ZNF653: variants seen among roughly 807,000 people sequenced by gnomAD.
The protein encoded by ZNF653 is 67 kDa zinc finger protein.
In ZNF653, 37 loss-of-function variants were observed where a neutral mutation model predicts 59.9. That is an observed-to-expected ratio of 0.62 (90% CI 0.48 to 0.81). The LOEUF (loss-of-function observed/expected upper bound fraction) is 0.81, where lower values mean the gene tolerates loss of function less well. ZNF653 is among the 40% of genes least tolerant of loss of function. The pLI is 0.00. For synonymous variants in ZNF653, 435 were observed against 371.8 expected (o/e 1.17, Z -1.96); for missense variants, 808 against 881.1 (o/e 0.92, Z 1.05).
rs377464310 is a variant in ZNF653 at position 11,486,793 on chromosome 19, G to C, written c.1431C>G (p.Val477=). The part of the protein sequence containing the change: ...FHCPYEGCSQ[V]YVALSSFQNH... ...CCTGGAAGCTGCTGAGGGCCACGTA[G>C]ACTTGGCTGCAGCCCTCGTATGGGC... Residue 477 remains valine (V), a synonymous_variant, in exon 6 of 9, where the codon GTC becomes GTG. Coordinates refer to ENST00000293771, the MANE Select transcript of ZNF653 (RefSeq NM_138783.4). The C allele has an allele frequency of 6.8e-6, 11 of 1,610,110 alleles. No homozygotes were observed. In the African/African-American group the frequency reaches 1.5e-4, roughly 22 times the overall value.
At position 11,495,856 on chromosome 19, in the gene ZNF653, G is replaced by T; in HGVS notation, c.559+94C>A. 1 of 1,306,972 alleles carries T rather than the reference G, an allele frequency of 7.7e-7. No homozygotes were observed. Among genetic ancestry groups the T allele is most frequent in the Non-Finnish European group, 1.1e-6 (1 of 947,660 alleles). 81.0% of individuals were successfully genotyped at this position (1,306,972 alleles called of 1,614,324 possible). On this transcript the variant is annotated intron_variant, in intron 3 of 8. Transcript: ENST00000293771. This position sits in a 1 kb window ranked among gnomAD's most constrained non-coding sequence, Gnocchi z 4.9. ...TGCCAGAGCCAGAGCCAGAGCCACT[G>T]TGGCTGCTATTCTGTTTGTGATGCT...
chr19:11,487,505 T>A lies in ZNF653; in HGVS notation c.958A>T (p.Ile320Phe). The A allele has an allele frequency of 6.2e-7, 1 of 1,613,778 alleles. No homozygotes were observed. Among genetic ancestry groups the A allele is most frequent in the Non-Finnish European group, 8.5e-7 (1 of 1,179,952 alleles). ...MPGMVPGSQV[I>F]IIAGPGYDAL... ...TCGTAACCAGGGCCCGCAATGATGATCACCTGTGAGCCGGGCACCATGCCT... is the reference window on the plus strand; with the variant it reads ...TCGTAACCAGGGCCCGCAATGATGAACACCTGTGAGCCGGGCACCATGCCT... The change falls in exon 4 of 9, where the codon ATC (isoleucine) becomes TTC (phenylalanine). Residue 320 changes from isoleucine to phenylalanine, a missense_variant. Coordinates refer to ENST00000293771, the MANE Select transcript of ZNF653 (RefSeq NM_138783.4). The surrounding 1 kb of genome is among the most constrained non-coding windows in gnomAD (Gnocchi z 5.1).
intron 1 of ZNF653, 146 bp downstream of exon 1, chr19:11,505,339 GGCA>G: frequency 1.3e-6 from 1 of 779,686 alleles, no homozygotes; most frequent in Non-Finnish European, 1.8e-6. Flanking sequence ...GTCCCGGCCA[GGCA>G]GTACGAGACC....
At chr19:11,490,270 C>T (rs137900631) in intron 3 of ZNF653, among the ~76,000 whole-genome samples, 210 of 152,316 alleles carry the variant, frequency 1.4e-3, no homozygotes, top group Middle Eastern at 6.8e-3. Context: ...GGGCAAGATA[C>T]GGGGGTATGG....
In ZNF653 at chr19:11,487,536, G is replaced by A; in HGVS notation, c.927C>T (p.Pro309=). The A allele has an allele frequency of 6.2e-7, 1 of 1,613,934 alleles. No homozygotes were observed. ...EALGEVVASC[P]MPGMVPGSQV... is the part of the protein sequence containing the mutation. ...GTGAGCCGGGCACCATGCCTGGCAT[G>A]GGGCAGCTGGCCACCACCTCACCCA... Residue 309 remains proline, a synonymous_variant, in exon 4 of 9, where the codon CCC becomes CCT. Coordinates refer to ENST00000293771, the MANE Select transcript of ZNF653 (RefSeq NM_138783.4). The surrounding 1 kb of genome is among the most constrained non-coding windows in gnomAD (Gnocchi z 5.1).
chr19:11,486,964 C>G (rs1212587927), intron 5 of ZNF653, 23 bp downstream of exon 5: 1 of 1,612,380 alleles, frequency 6.2e-7, no homozygotes, highest in African/African-American at 1.3e-5. Flanking sequence ...CTCGCCCTCA[C>G]CCTTGCCCGC....
In ZNF653 at chr19:11,485,722, G is replaced by T. The variant is rs1971458711; in HGVS notation, c.1504C>A (p.His502Asn). 6.2e-7 allele frequency: 1 copy of T among 1,613,956 alleles called. No homozygotes were observed. The highest frequency in any genetic ancestry group is 8.5e-7 in the Non-Finnish European group (1 of 1,179,996). Residue 502 changes from histidine to asparagine, a missense_variant, in exon 7 of 9, where the codon CAT (histidine) becomes AAT (asparagine). By Grantham distance (68) the His-to-Asn change is moderately conservative. Transcript: ENST00000293771. ...TAGAACTTCTTGCCACAGCCAGGAT[G>T]AGGGCACACTTTGGTCTTTCCTTTC... ...HRKGKTKVCP[H>N]PGCGKKFYLS...
At chr19:11,504,636 G>A (rs908564102) in intron 1 of ZNF653, 25 of 897,448 alleles carry the variant, frequency 2.8e-5, no homozygotes, top group Non-Finnish European at 3.3e-5. Context: ...AGAGAAACAT[G>A]AGAACATGTG....
rs930650093 is a variant in ZNF653 at position 11,505,503 on chromosome 19, C to T, written c.284G>A (p.Arg95Gln). The T allele has an allele frequency of 6.7e-6, 10 of 1,491,256 alleles. No individual in the cohort carries two copies. The highest frequency in any genetic ancestry group is 2.9e-5 in the East Asian group (1 of 34,200). 92.4% of individuals were successfully genotyped at this position (1,491,256 alleles called of 1,614,324 possible). The change falls in exon 1 of 9, where the codon CGG (arginine) becomes CAG (glutamine). Residue 95 changes from arginine to glutamine, a missense_variant. Transcript: ENST00000293771. The stretch of plus-strand genomic sequence containing the variant: ...GCCCCCTCACCCGTGGCGGCCGCTC[C>T]GCTGGCCGCGCTCCAGAGAGATGAG... The part of the protein sequence containing the change: ...AYLISLERGQ[R>Q]SGRHGKPWEQ...
At chr19:11,486,500 T>TAAA (rs1971467119) in intron 6 of ZNF653, among the ~76,000 whole-genome samples, 1 of 152,198 alleles carries the variant, frequency 6.6e-6, no homozygotes, top group Admixed American at 6.5e-5. Context: ...GTTCCTTCAC[T>TAAA]CTTTAACTTA....
intron 3 of ZNF653, among the ~76,000 whole-genome samples, chr19:11,488,211 G>A (rs1349685838): frequency 9.3e-5 from 14 of 151,068 alleles, no homozygotes; most frequent in African/African-American, 1.7e-4. Context: ...GTGCAGTGGC[G>A]CGATCTCTGC....
chr19:11,496,994 G>A (rs985423013), intron 2 of ZNF653, among the ~76,000 whole-genome samples: 9 of 152,196 alleles, frequency 5.9e-5, no homozygotes, highest in Admixed American at 2.0e-4. Flanking sequence ...TTCCTGGAGC[G>A]GGCTAGGTGT....
In ZNF653 at chr19:11,487,492, C is replaced by T. The variant is rs745905759; in HGVS notation, c.971G>A (p.Gly324Asp). Reference protein sequence around the residue: ...VPGSQVIIIAGPGYDALTAEG... With the variant: ...VPGSQVIIIADPGYDALTAEG... ...GGCCGTGAGAGCGTCGTAACCAGGG[C>T]CCGCAATGATGATCACCTGTGAGCC... The change falls in exon 4 of 9, where the codon GGC (glycine) becomes GAC (aspartate). Residue 324 changes from glycine (G) to aspartate (D), a missense_variant. By Grantham distance (94) the Gly-to-Asp change is moderately conservative (BLOSUM62 -1). Coordinates refer to ENST00000293771, the MANE Select transcript of ZNF653 (RefSeq NM_138783.4). The surrounding 1 kb of genome is among the most constrained non-coding windows in gnomAD (Gnocchi z 5.1). 5.6e-6 allele frequency: 9 copies of T among 1,613,794 alleles called. No homozygotes were observed. Among genetic ancestry groups the T allele is most frequent in the Non-Finnish European group, 5.9e-6 (7 of 1,179,970 alleles).
intron 1 of ZNF653, among the ~76,000 whole-genome samples, chr19:11,501,752 C>T (rs1450253705): frequency 2.0e-5 from 3 of 152,134 alleles, no homozygotes; most frequent in Non-Finnish European, 4.4e-5. Flanking sequence ...GAGCAACCGC[C>T]ACACTCAGGC....
At chr19:11,499,005 G>A (rs1966481) in intron 1 of ZNF653, among the ~76,000 whole-genome samples, 5,616 of 152,278 alleles carry the variant, frequency 0.037, 128 homozygotes, top group Admixed American at 0.069. Context: ...GATTACAGGC[G>A]TGAGCCACCG....
Position 11,495,828 on chromosome 19 carries a change from C to A in ZNF653, c.559+122G>T. On this transcript the variant is annotated intron_variant, in intron 3 of 8. Coordinates refer to ENST00000293771, the MANE Select transcript of ZNF653 (RefSeq NM_138783.4). The surrounding 1 kb of genome is among the most constrained non-coding windows in gnomAD (Gnocchi z 4.9). ...GGCCCATCGTGTCCCTGCTCTGCCC[C>A]AGTGCCAGAGCCAGAGCCAGAGCCA... The A allele has an allele frequency of 9.5e-7, 1 of 1,049,486 alleles. No individual in the cohort carries two copies. The highest frequency in any genetic ancestry group is 1.4e-6 in the Non-Finnish European group (1 of 724,376). The allele number at this position is 1,049,486 out of a possible 1,614,324, so 65.0% of individuals were successfully genotyped here. A position where few individuals can be genotyped will look rare whatever the true frequency, so the allele number is the denominator to read the frequency against.
chr19:11,501,172 T>C (rs1382642509), intron 1 of ZNF653, among the ~76,000 whole-genome samples: 1 of 150,842 alleles, frequency 6.6e-6, no homozygotes, highest in Non-Finnish European at 1.5e-5. Context: ...CCCTTCCCCA[T>C]ATCTTTTTTT....
At position 11,505,349 on chromosome 19, in the gene ZNF653, G is replaced by A. The variant is rs920920051; in HGVS notation, c.299+139C>T. Reference sequence around the variant, plus strand: ...GGCGCGTCCCGGCCAGGCAGTACGAGACCCAGGCCGCCGGCCCGGCTCCTG... The same window carrying A: ...GGCGCGTCCCGGCCAGGCAGTACGAAACCCAGGCCGCCGGCCCGGCTCCTG... On this transcript the variant is annotated intron_variant, in intron 1 of 8. Coordinates refer to ENST00000293771, the MANE Select transcript of ZNF653 (RefSeq NM_138783.4). 7.9e-6 allele frequency: 7 copies of A among 887,992 alleles called. No homozygotes were observed. The African/African-American group carries it at 1.1e-4, about 14-fold the overall frequency. 55.0% of individuals were successfully genotyped at this position (887,992 alleles called of 1,614,324 possible).
chr19:11,485,957 TTTTA>T (rs1971461505), intron 6 of ZNF653, among the ~76,000 whole-genome samples, 187 bp from the exon 7 acceptor site: 1 of 151,842 alleles, frequency 6.6e-6, no homozygotes, highest in Non-Finnish European at 1.5e-5. Context: ...GCTTTATTTT[TTTTA>T]TTTTTTGAGA....
Sources: allele counts gnomAD v4.1 joint callset (sites outside exome capture counted in the v4.1 genomes callset), GRCh38; gene constraint gnomAD v4.1.1; non-coding constraint Gnocchi (gnomAD v3.1); transcripts MANE v1.5; gene names NCBI Gene and HGNC (gene_info 2026-07-23, HGNC 2026-07-21).